GRIN2B: variants seen among roughly 807,000 people sequenced by gnomAD.
GRIN2B encodes glutamate receptor ionotropic, NMDA 2B.
Under a neutral mutation model 114.5 loss-of-function variants are expected in GRIN2B, and 5 were observed. The observed-to-expected ratio is 0.04, with a 90% confidence interval of 0.02 to 0.09. The LOEUF (loss-of-function observed/expected upper bound fraction) is 0.09, where lower values mean the gene tolerates loss of function less well. Among genes scored for constraint, GRIN2B ranks in the 10% least tolerant of loss-of-function variants. The pLI is 1.00. For missense variants in GRIN2B, 1,108 were observed against 1,943.5 expected (o/e 0.57, Z 8.08); for synonymous variants, 787 against 745.1 (o/e 1.06, Z -0.92).
intron 3 of GRIN2B, among the ~76,000 whole-genome samples, chr12:13,772,296 CTCTT>C (rs1863921356): frequency 6.6e-6 from 1 of 152,220 alleles, no homozygotes; most frequent in Non-Finnish European, 1.5e-5. Context: ...GGAAAACAAT[CTCTT>C]TCTTCCCATG....
intron 5 of GRIN2B, among the ~76,000 whole-genome samples, chr12:13,658,531 T>C (rs1282512928): frequency 7.6e-6 from 1 of 132,280 alleles, no homozygotes; most frequent in Non-Finnish European, 1.7e-5. Context: ...TTCTTTAGGA[T>C]CTTACACTTA....
intron 4 of GRIN2B, among the ~76,000 whole-genome samples, chr12:13,685,225 T>C (rs1950166699): frequency 6.6e-6 from 1 of 152,178 alleles, no homozygotes; most frequent in Non-Finnish European, 1.5e-5. Context: ...GTCAACAAAA[T>C]CAACACACAG....
chr12:13,569,043 C>T (rs1948675333), intron 12 of GRIN2B, among the ~76,000 whole-genome samples: 1 of 152,140 alleles, frequency 6.6e-6, no homozygotes, highest in African/African-American at 2.4e-5. Context: ...CAGAGACCTT[C>T]CACAGTTCCA....
chr12:13,901,613 C>G (rs1377555728), intron 2 of GRIN2B, among the ~76,000 whole-genome samples: 2 of 151,934 alleles, frequency 1.3e-5, no homozygotes, highest in East Asian at 3.9e-4. Context: ...CCGTCTTAGA[C>G]AGTATAATAG....
At chr12:13,742,238 T>A (rs1291971750) in intron 4 of GRIN2B, among the ~76,000 whole-genome samples, 2 of 152,220 alleles carry the variant, frequency 1.3e-5, no homozygotes, top group Non-Finnish European at 2.9e-5. Flanking sequence ...TTCAAGGTTT[T>A]CTGCTGGGTT....
intron 4 of GRIN2B, among the ~76,000 whole-genome samples, chr12:13,713,920 A>C (rs555898185): frequency 6.6e-6 from 1 of 151,534 alleles, no homozygotes; most frequent in East Asian, 2.0e-4. Context: ...TTTTTTTCTT[A>C]CTCCTAAGGA....
chr12:13,944,301 C>T (rs1591634690), intron 2 of GRIN2B, among the ~76,000 whole-genome samples: 4 of 152,314 alleles, frequency 2.6e-5, no homozygotes, highest in Admixed American at 2.6e-4. Context: ...AGTCATACAA[C>T]CCAACATTTC....
At chr12:13,796,250 C>T (rs527777801) in intron 3 of GRIN2B, among the ~76,000 whole-genome samples, 5 of 152,226 alleles carry the variant, frequency 3.3e-5, no homozygotes, top group East Asian at 3.9e-4. Flanking sequence ...TAAAATATGG[C>T]CTCTCCTGAA....
At chr12:13,742,182 G>A (rs1004823665) in intron 4 of GRIN2B, among the ~76,000 whole-genome samples, 3 of 152,042 alleles carry the variant, frequency 2.0e-5, no homozygotes, top group Admixed American at 2.0e-4. Context: ...TGCTTTCTGG[G>A]GCGTAGATGA....
chr12:13,804,378 T>C (rs908049391), intron 3 of GRIN2B, among the ~76,000 whole-genome samples: 3 of 152,156 alleles, frequency 2.0e-5, no homozygotes, highest in Non-Finnish European at 2.9e-5. Flanking sequence ...TATAGTCTTA[T>C]GCCTTTTAGG....
intron 5 of GRIN2B, among the ~76,000 whole-genome samples, chr12:13,630,191 C>T (rs1413811774): frequency 6.6e-6 from 1 of 152,192 alleles, no homozygotes; most frequent in East Asian, 1.9e-4. Flanking sequence ...CTGCTCCTGG[C>T]AGCTAATAAT....
Position 13,562,973 on chromosome 12 carries a change from C to A in GRIN2B, c.4265G>T (p.Arg1422Leu), listed in dbSNP as rs75269586. 6.2e-7 allele frequency: 1 copy of A among 1,613,960 alleles called. No individual in the cohort carries two copies. The highest frequency in any genetic ancestry group is 8.5e-7 in the Non-Finnish European group (1 of 1,179,858). ...CACCGGCTTGTTGGTGACAAGGGCC[C>A]GGAAGTCCGGCCTGGCTTTCGACGC... ...AGASKARPDF[R>L]ALVTNKPVVS... Residue 1422 changes from arginine to leucine, a missense_variant, in exon 14 of 14, where the codon CGG (arginine) becomes CTG (leucine). Arg to Leu is a moderately radical substitution (Grantham distance 102). Transcript: ENST00000609686.
intron 2 of GRIN2B, among the ~76,000 whole-genome samples, chr12:13,905,357 T>G (rs1866520100): frequency 6.6e-6 from 1 of 152,210 alleles, no homozygotes; most frequent in East Asian, 1.9e-4. Flanking sequence ...TATTACACTT[T>G]CAGTTATTTT....
chr12:13,820,597 G>A (rs912638136), intron 3 of GRIN2B, among the ~76,000 whole-genome samples: 1 of 152,104 alleles, frequency 6.6e-6, no homozygotes, highest in Non-Finnish European at 1.5e-5. Flanking sequence ...AGCTTGTTAT[G>A]GGAAGCAACC....
In GRIN2B at chr12:13,562,749, TC is replaced by T. The variant is rs760660431; in HGVS notation, c.*33del. 2.5e-6 allele frequency: 4 copies of T among 1,579,422 alleles called. No individual in the cohort carries two copies. The highest frequency in any genetic ancestry group is 3.3e-5 in the Admixed American group (2 of 59,966). ...CATCACGCGACCCACAGCCTTACCC[TC>T]CCGTACCCACCTTAACCTCTCTGTT... On this transcript the variant is annotated 3_prime_UTR_variant, in exon 14 of 14. Coordinates refer to ENST00000609686, the MANE Select transcript of GRIN2B (RefSeq NM_000834.5).
chr12:13,585,525 G>A (rs1286091521), intron 10 of GRIN2B, among the ~76,000 whole-genome samples: 1 of 152,278 alleles, frequency 6.6e-6, no homozygotes, highest in Non-Finnish European at 1.5e-5. Context: ...GCAGCCTGGC[G>A]ATCCCACCAC....
intron 4 of GRIN2B, among the ~76,000 whole-genome samples, chr12:13,713,268 A>G (rs1360865541): frequency 6.6e-6 from 1 of 151,870 alleles, no homozygotes; most frequent in Non-Finnish European, 1.5e-5. Context: ...CTCCTAGCAG[A>G]CATAATTAGC....
intron 2 of GRIN2B, among the ~76,000 whole-genome samples, chr12:13,916,735 A>ACACACACAAATGTGTG (rs59238170): frequency 2.9e-4 from 30 of 101,928 alleles, no homozygotes; most frequent in East Asian, 1.2e-3. Context: ...ACACACACAC[A>ACACACACAAATGTGTG]TTTGTGTGTG....
At position 13,899,985 on chromosome 12, in the gene GRIN2B, T is replaced by C. The variant is rs7294424; in HGVS notation, c.-18-33759A>G. ...ATTATTCATAGGCTCCAAACAGGCATATTTTACCACTCCCATGTGGTTTTC... is the reference window on the plus strand; with the variant it reads ...ATTATTCATAGGCTCCAAACAGGCACATTTTACCACTCCCATGTGGTTTTC... On this transcript the variant is annotated intron_variant, in intron 2 of 13. Coordinates refer to ENST00000609686, the MANE Select transcript of GRIN2B (RefSeq NM_000834.5). Among the ~76,000 whole-genome samples, 1,077 of 152,310 alleles carry C rather than the reference T, an allele frequency of 7.1e-3. 20 individuals are homozygous for C. Among genetic ancestry groups the C allele is most frequent in the African/African-American group, 0.024 (1,015 of 41,572 alleles).
Sources: gnomAD v4.1 joint callset for allele counts (sites outside exome capture counted in the v4.1 genomes callset) on GRCh38, gnomAD v4.1.1 for gene constraint, MANE v1.5 for transcripts, NCBI Gene and HGNC (gene_info 2026-07-23, HGNC 2026-07-21) for gene names.